The following AKAP13 variants were observed in gnomAD, a reference collection of about 807,000 sequenced individuals.
AKAP13 encodes the protein A-kinase anchoring protein 13, also known as A-kinase anchor protein 13.
A neutral mutation model predicts 264.5 loss-of-function variants in AKAP13; 80 were observed. The observed-to-expected ratio is 0.30, with a 90% confidence interval of 0.25 to 0.36. The LOEUF (loss-of-function observed/expected upper bound fraction) is 0.36, where lower values mean the gene tolerates loss of function less well. Among genes scored for constraint, AKAP13 ranks in the 10% least tolerant of loss-of-function variants. The pLI, the probability that AKAP13 is intolerant of heterozygous loss-of-function variation, is 1.00. For synonymous variants in AKAP13, 1,380 were observed against 1,250.2 expected, an observed-to-expected ratio of 1.10 and a Z score of -2.19; for missense variants, 3,712 against 3,435.2, an observed-to-expected ratio of 1.08 and a Z score of -2.01.
intron 16 of AKAP13, among the ~76,000 whole-genome samples, chr15:85,686,968 G>A (rs941248841): frequency 2.0e-5 from 3 of 152,034 alleles, no homozygotes; most frequent in Non-Finnish European, 4.4e-5. Flanking sequence ...CAAGCTTTTC[G>A]TGGAAGACCA....
intron 1 of AKAP13, among the ~76,000 whole-genome samples, chr15:85,394,569 A>G (rs968327425): frequency 6.6e-5 from 10 of 152,212 alleles, no homozygotes; most frequent in Admixed American, 6.5e-4. Flanking sequence ...ATAGCTCTAT[A>G]ACTAGATACT....
At chr15:85,523,369 A>C (rs1399860503) in intron 3 of AKAP13, among the ~76,000 whole-genome samples, 1 of 152,120 alleles carries the variant, frequency 6.6e-6, no homozygotes, top group Non-Finnish European at 1.5e-5. Context: ...TAAATTCTTT[A>C]GCCTGGACCT....
chr15:85,661,795 A>G (rs1192739458), intron 12 of AKAP13, among the ~76,000 whole-genome samples: 1 of 152,068 alleles, frequency 6.6e-6, no homozygotes, highest in African/African-American at 2.4e-5. Flanking sequence ...CTTTAACGTA[A>G]CAGCCTAGTG....
intron 1 of AKAP13, among the ~76,000 whole-genome samples, chr15:85,425,068 G>A (rs1203835102): frequency 6.6e-6 from 1 of 152,146 alleles, no homozygotes; most frequent in Non-Finnish European, 1.5e-5. Context: ...TAATGAAGAT[G>A]TTCGAAATAT....
intron 26 of AKAP13, among the ~76,000 whole-genome samples, chr15:85,723,530 A>T (rs756459966): frequency 6.6e-6 from 1 of 152,206 alleles, no homozygotes; most frequent in Non-Finnish European, 1.5e-5. Flanking sequence ...GAGGAAGAAG[A>T]CAAAGAAATG....
At chr15:85,461,028 A>G (rs189204043) in intron 1 of AKAP13, among the ~76,000 whole-genome samples, 22 of 152,026 alleles carry the variant, frequency 1.4e-4, no homozygotes, top group Non-Finnish European at 2.8e-4. Context: ...CTGTCATTGC[A>G]TCTTCTCTGT....
At chr15:85,688,031 TAAAA>T (rs60030351) in intron 16 of AKAP13, among the ~76,000 whole-genome samples, 45 of 138,282 alleles carry the variant, frequency 3.3e-4, no homozygotes, top group Non-Finnish European at 3.8e-4. Flanking sequence ...CCCTGTCTCT[TAAAA>T]AAAAAAAAAA....
Position 85,575,410 on chromosome 15 carries a change from A to T in AKAP13, c.861+81A>T, listed in dbSNP as rs771318078. ...ATGTGTGTGTCCCCGCCCTCCTCCA[A>T]TGAACCTTGATATAATTAGAACATA... On this transcript the variant is annotated intron_variant, in intron 6 of 36. Transcript: ENST00000394518. 7.5e-6 allele frequency: 10 copies of T among 1,337,372 alleles called. No individual in the cohort carries two copies. The African/African-American group carries it at 8.7e-5, about 12-fold the overall frequency. 82.8% of individuals were successfully genotyped at this position (1,337,372 alleles called of 1,614,324 possible).
intron 5 of AKAP13, among the ~76,000 whole-genome samples, chr15:85,565,161 A>C (rs1057357566): frequency 6.6e-5 from 10 of 152,176 alleles, no homozygotes; most frequent in African/African-American, 2.4e-4. Flanking sequence ...GTAATGAAAC[A>C]ATGCCTGTAC....
intron 7 of AKAP13, chr15:85,582,800 A>AGGG (rs888453595): frequency 3.4e-6 from 3 of 882,898 alleles, no homozygotes; most frequent in Non-Finnish European, 4.1e-6. Flanking sequence ...TGCACAGTGC[A>AGGG]GGGGATAGGA....
chr15:85,662,794 G>T (rs1264887073), intron 12 of AKAP13, among the ~76,000 whole-genome samples: 4 of 152,198 alleles, frequency 2.6e-5, no homozygotes. Flanking sequence ...CAGCTAATAA[G>T]ATGCACTGAT....
intron 1 of AKAP13, among the ~76,000 whole-genome samples, chr15:85,396,556 A>T (rs536793420): frequency 2.0e-5 from 3 of 152,098 alleles, no homozygotes; most frequent in African/African-American, 4.8e-5. Context: ...CTTTACTATA[A>T]TATGTTTGTC....
chr15:85,461,157 C>G (rs1326196328), intron 1 of AKAP13, among the ~76,000 whole-genome samples: 1 of 151,960 alleles, frequency 6.6e-6, no homozygotes, highest in Non-Finnish European at 1.5e-5. Context: ...TCTCTGTCGC[C>G]CAGGCTGGAG....
chr15:85,706,335 A>G (rs1214303841), intron 17 of AKAP13, among the ~76,000 whole-genome samples: 2 of 152,232 alleles, frequency 1.3e-5, no homozygotes, highest in Non-Finnish European at 2.9e-5. Context: ...TTGGCTTACT[A>G]GAAAATAAAT....
At chr15:85,467,606 G>C (rs182332894) in intron 1 of AKAP13, among the ~76,000 whole-genome samples, 1 of 152,150 alleles carries the variant, frequency 6.6e-6, no homozygotes, top group Admixed American at 6.5e-5. Context: ...TTCCTAGGTA[G>C]AATTGGCCAC....
At chr15:85,614,367 A>G (rs2080845969) in intron 8 of AKAP13, among the ~76,000 whole-genome samples, 1 of 152,246 alleles carries the variant, frequency 6.6e-6, no homozygotes, top group Non-Finnish European at 1.5e-5. Flanking sequence ...AGACTTGGGT[A>G]GCAATATCCA....
chr15:85,654,387 G>A (rs1415307987), intron 10 of AKAP13, among the ~76,000 whole-genome samples: 3 of 152,078 alleles, frequency 2.0e-5, no homozygotes, highest in African/African-American at 7.2e-5. Flanking sequence ...TTTGTTTTCA[G>A]TTAAAGCTTA....
chr15:85,533,680 A>G lies in AKAP13; in HGVS notation c.278A>G (p.Gln93Arg), dbSNP rs140192469. 10 of 1,614,084 alleles carry G rather than the reference A, an allele frequency of 6.2e-6. No individual in the cohort carries two copies. The highest frequency in any genetic ancestry group is 1.3e-5 in the African/African-American group (1 of 74,936). ...VVAEEDFHFV[Q>R]DEAYDAAQFL... is the part of the protein sequence containing the mutation. ...GCTGAAGAAGACTTTCATTTCGTCC[A>G]GGATGAAGCGTATGATGCAGCTCAA... The change falls in exon 4 of 37, where the codon CAG (glutamine) becomes CGG (arginine). Residue 93 changes from glutamine to arginine, a missense_variant. By Grantham distance (43) the Gln-to-Arg change is conservative. Coordinates refer to ENST00000394518, the MANE Select transcript of AKAP13 (RefSeq NM_007200.5).
Position 85,723,127 on chromosome 15 carries a change from G to A in AKAP13, c.6552G>A (p.Val2184=), listed in dbSNP as rs2087399578. The stretch of plus-strand genomic sequence containing the variant: ...AGTCCTTGAGCCTGGTGAAGGATGT[G>A]ATTGGAGCTGTAGACAGCAAAGTGG... ...LAQSLSLVKD[V]IGAVDSKVAS... The change falls in exon 26 of 37, where the codon GTG becomes GTA. Residue 2184 remains valine, a synonymous_variant. Transcript: ENST00000394518. 1.2e-6 allele frequency: 2 copies of A among 1,614,048 alleles called. No homozygotes were observed. Among genetic ancestry groups the A allele is most frequent in the South Asian group, 2.2e-5 (2 of 91,084 alleles).
Sources: gnomAD v4.1 joint callset for allele counts (sites outside exome capture counted in the v4.1 genomes callset) on GRCh38, gnomAD v4.1.1 for gene constraint, MANE v1.5 for transcripts, NCBI Gene and HGNC (gene_info 2026-07-23, HGNC 2026-07-21) for gene names.